NELL1: variants seen among roughly 807,000 people sequenced by gnomAD.
NELL1 encodes protein kinase C-binding protein NELL1.
A neutral mutation model predicts 107.4 loss-of-function variants in NELL1; 76 were observed. The ratio of observed to expected loss-of-function variants is 0.71; its 90% CI spans 0.59 to 0.86. The LOEUF is 0.86. Ranked by LOEUF, NELL1 falls within the 40% of genes least tolerant of loss-of-function variation. NELL1 has a pLI of 0.00. For missense variants in NELL1, 1,024 were observed against 1,005.5 expected (o/e 1.02, Z -0.25); for synonymous variants, 353 against 341.2 (o/e 1.03, Z -0.38).
chr11:21,461,131 A>C (rs1343896512), intron 15 of NELL1, among the ~76,000 whole-genome samples: 2 of 152,090 alleles, frequency 1.3e-5, no homozygotes, highest in African/African-American at 4.8e-5. Flanking sequence ...CATAATTGAT[A>C]ACAATCACTT....
At chr11:21,394,067 A>G (rs1851933774) in intron 15 of NELL1, among the ~76,000 whole-genome samples, 1 of 151,672 alleles carries the variant, frequency 6.6e-6, no homozygotes, top group Non-Finnish European at 1.5e-5. Flanking sequence ...CACATAGGCA[A>G]AAGGTCAATC....
Position 20,669,812 on chromosome 11 carries a change from G to C in NELL1, c.55+34G>C. 1 of 1,587,064 alleles carries C rather than the reference G, an allele frequency of 6.3e-7. No homozygotes were observed. Among genetic ancestry groups the C allele is most frequent in the Non-Finnish European group, 8.7e-7 (1 of 1,155,908 alleles). ...GACTGTGGCGGTTAGAGGGATCCGG[G>C]AAATGGGGGTGCCCACAGACCACGG... is the stretch of plus-strand genomic sequence containing the variant. On this transcript the variant is annotated intron_variant, in intron 1 of 19. Coordinates refer to ENST00000357134, the MANE Select transcript of NELL1 (RefSeq NM_006157.5). This position sits in a 1 kb window ranked among gnomAD's most constrained non-coding sequence, Gnocchi z 4.4.
At chr11:20,702,665 T>G (rs1379644091) in intron 2 of NELL1, among the ~76,000 whole-genome samples, 1 of 152,202 alleles carries the variant, frequency 6.6e-6, no homozygotes, top group Non-Finnish European at 1.5e-5. Context: ...AAAGCTCTTA[T>G]TATTTTGAGA....
chr11:21,018,636 C>G (rs1253784411), intron 12 of NELL1, among the ~76,000 whole-genome samples: 4 of 152,050 alleles, frequency 2.6e-5, no homozygotes, highest in African/African-American at 9.7e-5. Flanking sequence ...ATTATGACCT[C>G]CTGCTGGCAA....
intron 2 of NELL1, among the ~76,000 whole-genome samples, chr11:20,754,900 T>C (rs1381880916): frequency 6.6e-6 from 1 of 152,316 alleles, no homozygotes; most frequent in Non-Finnish European, 1.5e-5. Context: ...TGGATTTGAT[T>C]GTCTTTTAGA....
intron 15 of NELL1, among the ~76,000 whole-genome samples, chr11:21,386,044 A>C (rs1851737284): frequency 6.6e-6 from 1 of 151,714 alleles, no homozygotes; most frequent in African/African-American, 2.4e-5. Flanking sequence ...ACTCCATATC[A>C]ACTTGGTTTT....
intron 1 of NELL1, among the ~76,000 whole-genome samples, chr11:20,675,993 C>T (rs1341466532): frequency 6.6e-6 from 1 of 152,126 alleles, no homozygotes; most frequent in Admixed American, 6.5e-5. Context: ...AAACAGTCCT[C>T]CTGCCTCAGC....
At chr11:21,059,388 A>G (rs1257292377) in intron 12 of NELL1, among the ~76,000 whole-genome samples, 1 of 151,736 alleles carries the variant, frequency 6.6e-6, no homozygotes, top group South Asian at 2.1e-4. Flanking sequence ...TGCTTTTCAT[A>G]CTTCATTCTG....
intron 16 of NELL1, among the ~76,000 whole-genome samples, chr11:21,538,049 A>C (rs1856182928): frequency 1.3e-5 from 2 of 152,142 alleles, no homozygotes; most frequent in Admixed American, 1.3e-4. Context: ...CATCTGAATA[A>C]ACCCTAAATA....
intron 14 of NELL1, among the ~76,000 whole-genome samples, chr11:21,304,522 T>G (rs1252766645): frequency 2.0e-5 from 3 of 151,662 alleles, no homozygotes; most frequent in Admixed American, 6.6e-5. Flanking sequence ...TCCTTAGGGC[T>G]GAACCAACTA....
At chr11:20,912,357 A>G (rs1850150696) in intron 5 of NELL1, among the ~76,000 whole-genome samples, 1 of 152,206 alleles carries the variant, frequency 6.6e-6, no homozygotes, top group South Asian at 2.1e-4. Context: ...AAAGCTGGCC[A>G]GTAGTGATAG....
chr11:20,979,009 A>G (rs1322808131), intron 12 of NELL1, among the ~76,000 whole-genome samples: 1 of 152,158 alleles, frequency 6.6e-6, no homozygotes, highest in African/African-American at 2.4e-5. Context: ...CAGGCCCCCC[A>G]GCATATTTAC....
intron 2 of NELL1, among the ~76,000 whole-genome samples, chr11:20,721,200 G>T (rs368630652): frequency 3.7e-3 from 387 of 105,982 alleles, no homozygotes; most frequent in East Asian, 0.016. Context: ...TATATATAGT[G>T]TATATATATA....
intron 14 of NELL1, among the ~76,000 whole-genome samples, chr11:21,281,798 G>T (rs181474703): frequency 6.4e-4 from 98 of 152,250 alleles, no homozygotes; most frequent in Non-Finnish European, 1.2e-3. Context: ...AGACCATTAA[G>T]GTGCTACATC....
At chr11:20,677,040 G>A (rs1854075992) in intron 1 of NELL1, among the ~76,000 whole-genome samples, 1 of 152,196 alleles carries the variant, frequency 6.6e-6, no homozygotes, top group South Asian at 2.1e-4. Context: ...CATCTTTAGG[G>A]ATTTGTCTTT....
intron 14 of NELL1, among the ~76,000 whole-genome samples, chr11:21,281,515 G>T (rs1425811937): frequency 6.6e-6 from 1 of 152,152 alleles, no homozygotes; most frequent in Non-Finnish European, 1.5e-5. Context: ...AGCCTGGCTG[G>T]CTTCACTATC....
At chr11:21,182,774 G>T (rs1489443812) in intron 13 of NELL1, among the ~76,000 whole-genome samples, 1 of 151,722 alleles carries the variant, frequency 6.6e-6, no homozygotes, top group African/African-American at 2.4e-5. Context: ...GCTACCAGAG[G>T]AAGGTAAAGA....
intron 14 of NELL1, among the ~76,000 whole-genome samples, chr11:21,363,778 A>T (rs1351700734): frequency 6.6e-6 from 1 of 152,200 alleles, no homozygotes; most frequent in Non-Finnish European, 1.5e-5. Flanking sequence ...TTATTATCAC[A>T]CAGGTTCAAG....
chr11:20,988,920 G>C (rs571836859), intron 12 of NELL1, among the ~76,000 whole-genome samples: 14 of 152,082 alleles, frequency 9.2e-5, no homozygotes, highest in Admixed American at 9.2e-4. Context: ...TGGTACCAAA[G>C]ACAGCTTTAG....
Sources: gnomAD v4.1 joint callset for allele counts (sites outside exome capture counted in the v4.1 genomes callset) on GRCh38, gnomAD v4.1.1 for gene constraint, Gnocchi (gnomAD v3.1) non-coding constraint, MANE v1.5 for transcripts, NCBI Gene and HGNC (gene_info 2026-07-23, HGNC 2026-07-21) for gene names.